The following GALNT1 variants were observed in gnomAD, a reference collection of about 807,000 sequenced individuals.
GALNT1 encodes the protein polypeptide N-acetylgalactosaminyltransferase 1.
Under a neutral mutation model 65.7 loss-of-function variants are expected in GALNT1, and 17 were observed. The ratio of observed to expected loss-of-function variants is 0.26; its 90% confidence interval spans 0.18 to 0.39. GALNT1 has a LOEUF of 0.39. GALNT1 is among the 10% of genes least tolerant of loss of function. The pLI is 1.00. For synonymous variants in GALNT1, 210 were observed against 219.7 expected (o/e 0.96, Z 0.39); for missense variants, 460 against 672.8 (o/e 0.68, Z 3.50).
At chr18:35,688,410 ACT>A (rs2047902352) in intron 6 of GALNT1, among the ~76,000 whole-genome samples, 1 of 152,092 alleles carries the variant, frequency 6.6e-6, no homozygotes, top group Non-Finnish European at 1.5e-5. Context: ...GTTGGAGTTT[ACT>A]TTTTCTCCAT....
chr18:35,662,774 T>C (rs919550663), intron 2 of GALNT1, among the ~76,000 whole-genome samples: 1 of 152,210 alleles, frequency 6.6e-6, no homozygotes, highest in Non-Finnish European at 1.5e-5. Context: ...CATAGCACCT[T>C]CCAAATTTAA....
chr18:35,656,382 A>T lies in GALNT1; in HGVS notation c.139+1581A>T, dbSNP rs2047386254. On this transcript the variant is annotated intron_variant, in intron 2 of 11. Transcript: ENST00000269195. The stretch of plus-strand genomic sequence containing the variant: ...CTTCAGGGAACTCACAGTCTAATGG[A>T]ATAGAAATAACAATAGTAAATATCA... Among the ~76,000 whole-genome samples the T allele has an allele frequency of 2.0e-5, 3 of 152,240 alleles. No homozygotes were observed. The South Asian group carries it at 6.2e-4, about 31-fold the overall frequency.
At chr18:35,606,266 G>C (rs946916914) in intron 1 of GALNT1, among the ~76,000 whole-genome samples, 2 of 152,154 alleles carry the variant, frequency 1.3e-5, no homozygotes, top group Non-Finnish European at 2.9e-5. Flanking sequence ...AACAAGTCAC[G>C]TGACTAACCT....
intron 1 of GALNT1, among the ~76,000 whole-genome samples, chr18:35,606,842 TG>T (rs2046655756): frequency 8.3e-6 from 1 of 120,452 alleles, no homozygotes; most frequent in Non-Finnish European, 1.8e-5. Flanking sequence ...TGTGTGTGTG[TG>T]TGTGTGTGTG....
At chr18:35,618,009 T>C (rs2046806381) in intron 1 of GALNT1, among the ~76,000 whole-genome samples, 1 of 151,998 alleles carries the variant, frequency 6.6e-6, no homozygotes, top group Non-Finnish European at 1.5e-5. Context: ...GATAAAGGTT[T>C]CATCTTTTAA....
intron 9 of GALNT1, among the ~76,000 whole-genome samples, chr18:35,695,126 T>G (rs571293506): frequency 1.3e-5 from 2 of 152,320 alleles, no homozygotes; most frequent in South Asian, 4.1e-4. Flanking sequence ...ACTACTAAAC[T>G]GTACACTTGA....
intron 2 of GALNT1, among the ~76,000 whole-genome samples, chr18:35,656,893 A>C (rs571547534): frequency 1.3e-5 from 2 of 152,250 alleles, no homozygotes; most frequent in Non-Finnish European, 2.9e-5. Context: ...AGAGGAAATA[A>C]ATATGTATGA....
At chr18:35,585,062 A>G (rs945340806) in intron 1 of GALNT1, among the ~76,000 whole-genome samples, 1 of 152,190 alleles carries the variant, frequency 6.6e-6, no homozygotes, top group African/African-American at 2.4e-5. Flanking sequence ...ATTAGCAGTA[A>G]AGGATGCTGG....
intron 1 of GALNT1, among the ~76,000 whole-genome samples, chr18:35,586,617 T>TTGTG (rs1243341260): frequency 6.6e-6 from 1 of 151,952 alleles, no homozygotes; most frequent in Non-Finnish European, 1.5e-5. Context: ...GTGTGTGTGT[T>TTGTG]TGTGTGTGTG....
intron 9 of GALNT1, among the ~76,000 whole-genome samples, chr18:35,701,449 T>G (rs1187703011): frequency 2.0e-5 from 3 of 152,182 alleles, no homozygotes; most frequent in African/African-American, 7.2e-5. Context: ...TGAAGGAAGG[T>G]GTGCTTTATG....
At chr18:35,582,103 G>A (rs1250712045) in intron 1 of GALNT1, among the ~76,000 whole-genome samples, 3 of 152,096 alleles carry the variant, frequency 2.0e-5, no homozygotes, top group Admixed American at 6.5e-5. Flanking sequence ...GTTTGACATT[G>A]AGTTAGAACC....
intron 9 of GALNT1, among the ~76,000 whole-genome samples, chr18:35,699,724 T>C (rs1310219799): frequency 1.3e-5 from 2 of 152,202 alleles, no homozygotes; most frequent in African/African-American, 4.8e-5. Context: ...TCCTCAATTC[T>C]TGAATGTATT....
chr18:35,641,702 A>G (rs1168750398), intron 1 of GALNT1, among the ~76,000 whole-genome samples: 1 of 152,236 alleles, frequency 6.6e-6, no homozygotes. Flanking sequence ...TGTCAACGAT[A>G]TAACACATCC....
chr18:35,625,680 G>C (rs1473472134), intron 1 of GALNT1, among the ~76,000 whole-genome samples: 1 of 152,142 alleles, frequency 6.6e-6, no homozygotes, highest in Non-Finnish European at 1.5e-5. Flanking sequence ...TCCATGACCA[G>C]AAAATAACAT....
chr18:35,691,216 A>ATAC (rs1568033683), intron 8 of GALNT1, 24 bp downstream of exon 8: 6 of 1,576,336 alleles, frequency 3.8e-6, no homozygotes, highest in Non-Finnish European at 5.2e-6. Flanking sequence ...TGCATTAGAA[A>ATAC]TACAAGGCTG....
At chr18:35,699,125 A>G (rs918391512) in intron 9 of GALNT1, among the ~76,000 whole-genome samples, 3 of 152,102 alleles carry the variant, frequency 2.0e-5, no homozygotes, top group African/African-American at 7.2e-5. Context: ...TGTCAAATCT[A>G]TTGTTTTCAA....
intron 1 of GALNT1, among the ~76,000 whole-genome samples, chr18:35,625,568 CTT>C (rs2046906678): frequency 6.6e-6 from 1 of 152,154 alleles, no homozygotes; most frequent in African/African-American, 2.4e-5. Context: ...GAGAAAAAGA[CTT>C]CTTGTGCAGA....
Position 35,581,855 on chromosome 18 carries a change from CTA to C in GALNT1, c.-110_-109del. ...GCCTGCCGCCGCCGCCGCCGCGCGC[CTA>C]GCGAGGTGAGTGTATCGCCCGCGGC... On this transcript the variant is annotated 5_prime_UTR_variant, in exon 1 of 12. Transcript: ENST00000269195. 1 of 52,772 alleles carries C rather than the reference CTA, an allele frequency of 1.9e-5. No individual in the cohort carries two copies. The highest frequency in any genetic ancestry group is 3.8e-5 in the Non-Finnish European group (1 of 26,632). The allele number at this position is 52,772 out of a possible 1,614,324, so 3.3% of individuals were successfully genotyped here. A position where few individuals can be genotyped will look rare whatever the true frequency, so the allele number is the denominator to read the frequency against.
At chr18:35,677,119 C>A (rs923426957) in intron 3 of GALNT1, among the ~76,000 whole-genome samples, 3 of 152,270 alleles carry the variant, frequency 2.0e-5, no homozygotes, top group Non-Finnish European at 4.4e-5. Flanking sequence ...AAGCATCCGT[C>A]TTATAGAATG....
Sources: gnomAD v4.1 joint callset for allele counts (sites outside exome capture counted in the v4.1 genomes callset) on GRCh38, gnomAD v4.1.1 for gene constraint, MANE v1.5 for transcripts, NCBI Gene and HGNC (gene_info 2026-07-23, HGNC 2026-07-21) for gene names.